The following DCC variants were observed in gnomAD, a reference collection of about 807,000 sequenced individuals.
The protein encoded by DCC is DCC netrin 1 receptor.
In DCC, 58 loss-of-function variants were observed where a neutral mutation model predicts 172.5. That is an observed-to-expected ratio of 0.34 (90% CI 0.27 to 0.42). The LOEUF is 0.42. Among genes scored for constraint, DCC ranks in the 10% least tolerant of loss-of-function variants. DCC has a pLI of 1.00. For missense variants in DCC, 1,740 were observed against 1,791.0 expected, an observed-to-expected ratio of 0.97 and a Z score of 0.51; for synonymous variants, 709 against 644.5, an observed-to-expected ratio of 1.10 and a Z score of -1.52.
chr18:52,487,164 GA>G (rs941799402), intron 1 of DCC, among the ~76,000 whole-genome samples: 1 of 152,090 alleles, frequency 6.6e-6, no homozygotes, highest in African/African-American at 2.4e-5. Flanking sequence ...CTTATCTCTG[GA>G]TTTTGCAAAT....
At chr18:52,492,933 C>G (rs2030578738) in intron 1 of DCC, among the ~76,000 whole-genome samples, 1 of 151,974 alleles carries the variant, frequency 6.6e-6, no homozygotes. Context: ...CACTTAAGAC[C>G]ATAATGTGAA....
intron 16 of DCC, among the ~76,000 whole-genome samples, chr18:53,390,360 A>G (rs1908467914): frequency 1.3e-5 from 2 of 152,134 alleles, no homozygotes; most frequent in African/African-American, 2.4e-5. Flanking sequence ...CAGAGTGATG[A>G]ATAGGGGATA....
chr18:52,558,274 T>C (rs2032960079), intron 1 of DCC, among the ~76,000 whole-genome samples: 1 of 151,750 alleles, frequency 6.6e-6, no homozygotes, highest in Non-Finnish European at 1.5e-5. Context: ...ACATTTATTA[T>C]GATAATACAT....
intron 1 of DCC, among the ~76,000 whole-genome samples, chr18:52,750,894 C>T (rs533150965): frequency 2.3e-4 from 34 of 150,946 alleles, no homozygotes; most frequent in African/African-American, 6.8e-4. Flanking sequence ...AGGTTGCTAT[C>T]GTGGAAAAAA....
chr18:53,426,303 A>C (rs1264082832), intron 21 of DCC, among the ~76,000 whole-genome samples: 1 of 103,564 alleles, frequency 9.7e-6, no homozygotes, highest in Non-Finnish European at 2.3e-5. Flanking sequence ...ATATATATTT[A>C]TAATATATAT....
At chr18:52,464,448 C>A (rs981648748) in intron 1 of DCC, among the ~76,000 whole-genome samples, 3 of 152,104 alleles carry the variant, frequency 2.0e-5, no homozygotes, top group African/African-American at 7.2e-5. Flanking sequence ...GTATAAAGAG[C>A]TGTGTTTTAG....
chr18:52,606,561 G>A (rs1013475694), intron 1 of DCC, among the ~76,000 whole-genome samples: 1 of 152,092 alleles, frequency 6.6e-6, no homozygotes, highest in African/African-American at 2.4e-5. Context: ...TTTGATGAAT[G>A]CCAAAATATT....
chr18:53,229,671 T>G (rs2056091761), intron 12 of DCC, among the ~76,000 whole-genome samples: 1 of 152,034 alleles, frequency 6.6e-6, no homozygotes, highest in Non-Finnish European at 1.5e-5. Flanking sequence ...ATTTTGAACA[T>G]TTAATAGCTT....
At chr18:52,459,755 A>C (rs938791323) in intron 1 of DCC, among the ~76,000 whole-genome samples, 7 of 151,914 alleles carry the variant, frequency 4.6e-5, no homozygotes, top group Non-Finnish European at 1.0e-4. Context: ...AGGCGTGAGC[A>C]ACCGCGCCCA....
intron 12 of DCC, among the ~76,000 whole-genome samples, chr18:53,218,664 T>C (rs2055888179): frequency 6.6e-6 from 1 of 152,170 alleles, no homozygotes; most frequent in Admixed American, 6.6e-5. Flanking sequence ...GTGAGGTGGT[T>C]ATTTCTCATA....
At chr18:52,517,765 C>T (rs1263710871) in intron 1 of DCC, among the ~76,000 whole-genome samples, 1 of 152,082 alleles carries the variant, frequency 6.6e-6, no homozygotes, top group Admixed American at 6.5e-5. Context: ...TAATTCTGTT[C>T]CATGGAGAAC....
chr18:52,894,807 G>C (rs1200284717), intron 2 of DCC, among the ~76,000 whole-genome samples: 1 of 152,086 alleles, frequency 6.6e-6, no homozygotes, highest in Non-Finnish European at 1.5e-5. Flanking sequence ...TTCTATTTGG[G>C]CCTTTAACGG....
At chr18:52,360,542 G>A (rs1041105627) in intron 1 of DCC, among the ~76,000 whole-genome samples, 1 of 152,198 alleles carries the variant, frequency 6.6e-6, no homozygotes, top group Non-Finnish European at 1.5e-5. Flanking sequence ...CAACCATGTA[G>A]CGTGGTCTTG....
chr18:52,896,905 T>C (rs7237931), intron 2 of DCC, among the ~76,000 whole-genome samples: 60,050 of 151,942 alleles, frequency 0.4, 12,456 homozygotes, highest in Non-Finnish European at 0.47. Context: ...AGTGCCTTTA[T>C]AAAATTCATT....
chr18:52,956,580 G>T (rs904379030), intron 5 of DCC, among the ~76,000 whole-genome samples: 4 of 151,860 alleles, frequency 2.6e-5, no homozygotes, highest in Non-Finnish European at 5.9e-5. Context: ...GCTATTCTGG[G>T]TCTTTTGCCT....
At chr18:53,373,028 T>A (rs2058074784) in intron 15 of DCC, among the ~76,000 whole-genome samples, 1 of 152,192 alleles carries the variant, frequency 6.6e-6, no homozygotes. Flanking sequence ...CATGTTTGCC[T>A]CTCCACAAAT....
At chr18:53,224,362 A>G (rs964395626) in intron 12 of DCC, among the ~76,000 whole-genome samples, 37 of 152,214 alleles carry the variant, frequency 2.4e-4, no homozygotes, top group African/African-American at 7.7e-4. Context: ...AAATGAGAAT[A>G]GAATAGAAGA....
chr18:52,799,667 C>T (rs1245671584), intron 2 of DCC, among the ~76,000 whole-genome samples: 11 of 152,164 alleles, frequency 7.2e-5, no homozygotes. Context: ...TTTAGAAGTT[C>T]TCTCAAATGG....
chr18:52,622,225 A>G (rs1290182050), intron 1 of DCC, among the ~76,000 whole-genome samples: 1 of 152,182 alleles, frequency 6.6e-6, no homozygotes, highest in Middle Eastern at 3.2e-3. Context: ...AAAGTTCTCT[A>G]TAAGAATGTC....
Sources: allele counts gnomAD v4.1 joint callset (sites outside exome capture counted in the v4.1 genomes callset), GRCh38; gene constraint gnomAD v4.1.1; transcripts MANE v1.5; gene names NCBI Gene and HGNC (gene_info 2026-07-23, HGNC 2026-07-21).